The following CMSS1 variants were observed in gnomAD, a reference collection of about 807,000 sequenced individuals.
The protein encoded by CMSS1 is cms1 ribosomal small subunit homolog.
In CMSS1, 33 loss-of-function variants were observed where a neutral mutation model predicts 43.5. The ratio of observed to expected loss-of-function variants is 0.76; its 90% confidence interval spans 0.57 to 1.01. The LOEUF (loss-of-function observed/expected upper bound fraction) is 1.01, where lower values mean the gene tolerates loss of function less well. Among genes scored for constraint, CMSS1 ranks in the 50% least tolerant of loss-of-function variants. CMSS1 has a pLI of 0.00. For missense variants in CMSS1, 313 were observed against 326.4 expected, an observed-to-expected ratio of 0.96 and a Z score of 0.32; for synonymous variants, 115 against 117.2, an observed-to-expected ratio of 0.98 and a Z score of 0.12.
intron 1 of CMSS1, among the ~76,000 whole-genome samples, chr3:100,091,452 G>A (rs2066108210): frequency 6.6e-6 from 1 of 152,186 alleles, no homozygotes. Context: ...AGAAGTGTAA[G>A]AAATTAGGTA....
At chr3:99,896,341 A>G (rs1706251677) in intron 1 of CMSS1, among the ~76,000 whole-genome samples, 1 of 152,228 alleles carries the variant, frequency 6.6e-6, no homozygotes, top group East Asian at 1.9e-4. Context: ...TTAGCCACAT[A>G]ATTGGTATGC....
intron 1 of CMSS1, among the ~76,000 whole-genome samples, chr3:100,105,923 C>T (rs189258898): frequency 6.6e-6 from 1 of 152,222 alleles, no homozygotes; most frequent in East Asian, 1.9e-4. Context: ...TTTCTCACTT[C>T]AAACTTAGAA....
At chr3:99,999,092 G>GT (rs1709769778) in intron 1 of CMSS1, among the ~76,000 whole-genome samples, 1 of 152,158 alleles carries the variant, frequency 6.6e-6, no homozygotes, top group African/African-American at 2.4e-5. Flanking sequence ...ATATATCTCA[G>GT]TTACTGATTC....
At chr3:100,035,882 G>A (rs1002671929) in intron 1 of CMSS1, among the ~76,000 whole-genome samples, 5 of 152,150 alleles carry the variant, frequency 3.3e-5, no homozygotes, top group African/African-American at 1.2e-4. Flanking sequence ...TCACATACAT[G>A]TAATTTCTAT....
chr3:100,176,226 C>T, intron 8 of CMSS1, 101 bp from the exon 9 acceptor site: 1 of 760,734 alleles, frequency 1.3e-6, no homozygotes, highest in Non-Finnish European at 2.2e-6. Flanking sequence ...GGGGAGAGGA[C>T]AACATATGAG....
intron 1 of CMSS1, among the ~76,000 whole-genome samples, chr3:99,923,551 A>G (rs940790558): frequency 6.6e-6 from 1 of 152,074 alleles, no homozygotes; most frequent in Non-Finnish European, 1.5e-5. Context: ...ACTAAACATC[A>G]TAAGTAGTTC....
chr3:100,175,619 G>A (rs2067142006), intron 8 of CMSS1, among the ~76,000 whole-genome samples: 1 of 152,162 alleles, frequency 6.6e-6, no homozygotes, highest in African/African-American at 2.4e-5. Context: ...GAAAAGCTGA[G>A]GGGAAGTGCC....
At chr3:100,040,584 T>C (rs1460124569) in intron 1 of CMSS1, 2 of 152,372 alleles carry the variant, frequency 1.3e-5, no homozygotes, top group South Asian at 2.1e-4. Context: ...AGATGATTAA[T>C]AGACTGAACA....
chr3:100,051,623 T>C (rs1182267783), intron 1 of CMSS1, among the ~76,000 whole-genome samples: 2 of 150,874 alleles, frequency 1.3e-5, no homozygotes, highest in Non-Finnish European at 3.0e-5. Context: ...TTTTTGTCCT[T>C]GCGATAGTTT....
intron 1 of CMSS1, among the ~76,000 whole-genome samples, chr3:99,947,263 T>C (rs909676602): frequency 6.6e-6 from 1 of 152,164 alleles, no homozygotes; most frequent in African/African-American, 2.4e-5. Flanking sequence ...ACCTTTTGTA[T>C]AGTTTCCCAT....
intron 1 of CMSS1, among the ~76,000 whole-genome samples, chr3:99,938,880 A>G (rs1208397061): frequency 1.3e-5 from 2 of 152,220 alleles, no homozygotes; most frequent in Non-Finnish European, 2.9e-5. Context: ...ACATTTGAAG[A>G]CACTAAACTC....
intron 1 of CMSS1, chr3:99,850,094 C>G (rs1187624026): frequency 1.9e-6 from 3 of 1,612,930 alleles, no homozygotes; most frequent in South Asian, 2.2e-5. Flanking sequence ...TTATTTTGCT[C>G]CACTTGAAGC....
chr3:100,037,958 G>A (rs6440987), intron 1 of CMSS1, among the ~76,000 whole-genome samples: 7 of 10,050 alleles, frequency 7.0e-4, no homozygotes, highest in Admixed American at 2.2e-3. Context: ...TTTTTTTTTG[G>A]GGGGGGAGGG....
At chr3:99,840,396 G>A (rs1394436677) in intron 1 of CMSS1, among the ~76,000 whole-genome samples, 2 of 151,708 alleles carry the variant, frequency 1.3e-5, no homozygotes, top group Non-Finnish European at 2.9e-5. Flanking sequence ...GCTAATTTTT[G>A]TATTTTTAGT....
chr3:100,098,645 A>G (rs932448453), intron 1 of CMSS1, among the ~76,000 whole-genome samples: 1 of 152,224 alleles, frequency 6.6e-6, no homozygotes, highest in Non-Finnish European at 1.5e-5. Context: ...CTACTGGAGT[A>G]TAAGTACCTA....
At chr3:100,127,769 C>T (rs771309274) in intron 1 of CMSS1, among the ~76,000 whole-genome samples, 21 of 152,272 alleles carry the variant, frequency 1.4e-4, no homozygotes, top group Non-Finnish European at 2.5e-4. Context: ...ACTGTTCAGC[C>T]GCTGTTACTA....
intron 1 of CMSS1, among the ~76,000 whole-genome samples, chr3:99,939,808 C>G (rs1707801211): frequency 6.6e-6 from 1 of 152,208 alleles, no homozygotes; most frequent in African/African-American, 2.4e-5. Flanking sequence ...GATTCCTCGT[C>G]TGCAAGATTC....
intron 1 of CMSS1, among the ~76,000 whole-genome samples, chr3:99,880,157 G>T (rs1443529271): frequency 2.0e-5 from 3 of 152,124 alleles, no homozygotes; most frequent in Non-Finnish European, 4.4e-5. Context: ...AGCCAAAGGG[G>T]ATGTCTGTGG....
At chr3:100,146,389 G>A (rs1000243001) in intron 1 of CMSS1, among the ~76,000 whole-genome samples, 1 of 152,104 alleles carries the variant, frequency 6.6e-6, no homozygotes, top group Non-Finnish European at 1.5e-5. Context: ...TCAAGGCCTG[G>A]CTGGTTCTGG....
Sources: gnomAD v4.1 joint callset for allele counts (sites outside exome capture counted in the v4.1 genomes callset) on GRCh38, gnomAD v4.1.1 for gene constraint, MANE v1.5 for transcripts, NCBI Gene and HGNC (gene_info 2026-07-23, HGNC 2026-07-21) for gene names.